TNIP3: variants seen among roughly 807,000 people sequenced by gnomAD.
TNIP3 encodes TNFAIP3-interacting protein 3.
Under a neutral mutation model 54.1 loss-of-function variants are expected in TNIP3, and 34 were observed. That is an observed-to-expected ratio of 0.63 (90% CI 0.48 to 0.84). The LOEUF (loss-of-function observed/expected upper bound fraction) is 0.84. TNIP3 is among the 40% of genes least tolerant of loss of function. TNIP3 has a pLI of 0.00. For synonymous variants in TNIP3, 134 were observed against 136.8 expected (o/e 0.98, Z 0.14); for missense variants, 366 against 387.6 (o/e 0.94, Z 0.47).
chr4:121,147,093 T>A lies in TNIP3; in HGVS notation c.691A>T (p.Ile231Phe). The A allele has an allele frequency of 6.8e-6, 11 of 1,613,348 alleles. No homozygotes were observed. Among genetic ancestry groups the A allele is most frequent in the Non-Finnish European group, 8.5e-6 (10 of 1,179,596 alleles). ...LNQEKEELQQ[I>F]NETSQSQLNR... is the part of the protein sequence containing the mutation. The stretch of plus-strand genomic sequence containing the variant: ...AACTGGGATTGGGAAGTTTCATTAA[T>A]TTGCTGTAGCTCCTCTTTCTCTTGA... Residue 231 changes from isoleucine to phenylalanine, a missense_variant, in exon 7 of 11, where the codon ATT (isoleucine) becomes TTT (phenylalanine). Physicochemically the swap from Ile to Phe is conservative, Grantham distance 21. Transcript: ENST00000057513.
chr4:121,187,549 A>T (rs1267071148), intron 2 of TNIP3, among the ~76,000 whole-genome samples: 1 of 152,198 alleles, frequency 6.6e-6, no homozygotes, highest in East Asian at 1.9e-4. Context: ...ATAAAGAAGG[A>T]CCATGGAGGG....
In TNIP3 at chr4:121,202,836, A is replaced by C. The variant is rs528896603; in HGVS notation, c.68+13579T>G. ...GCAAACATGAAACAATGCTCAATTC[A>C]CTAATTATAAGGAAAATGCAAGTCA... is the stretch of plus-strand genomic sequence containing the variant. On this transcript the variant is annotated intron_variant, in intron 2 of 12. Coordinates refer to the TNIP3 transcript ENST00000507879. 2.6e-5 allele frequency among the ~76,000 whole-genome samples: 4 copies of C among 152,276 alleles called. No homozygotes were observed. In the East Asian group the frequency reaches 7.7e-4, roughly 29 times the overall value.
At chr4:121,134,502 C>A (rs1479775510) in intron 10 of TNIP3, among the ~76,000 whole-genome samples, 1 of 152,218 alleles carries the variant, frequency 6.6e-6, no homozygotes, top group Non-Finnish European at 1.5e-5. Flanking sequence ...TCATTAATAT[C>A]TGTGGACTTC....
At chr4:121,142,587 C>T (rs548596828) in intron 8 of TNIP3, 139 bp downstream of exon 8, 5 of 741,892 alleles carry the variant, frequency 6.7e-6, no homozygotes, top group African/African-American at 3.5e-5. Context: ...ACTGTCTATC[C>T]GTTGATGGTG....
intron 2 of TNIP3, among the ~76,000 whole-genome samples, chr4:121,183,853 G>T (rs1724855217): frequency 6.6e-6 from 1 of 151,850 alleles, no homozygotes; most frequent in Non-Finnish European, 1.5e-5. Flanking sequence ...AGAAAAACAA[G>T]CTCAGGGCTC....
chr4:121,204,647 A>G (rs551149753), intron 2 of TNIP3, among the ~76,000 whole-genome samples: 1 of 152,208 alleles, frequency 6.6e-6, no homozygotes, highest in South Asian at 2.1e-4. Flanking sequence ...TGTCACTACA[A>G]TCAATGCACA....
chr4:121,217,169 A>G (rs1664861131), upstream of TNIP3, among the ~76,000 whole-genome samples: 1 of 152,250 alleles, frequency 6.6e-6, no homozygotes, highest in Non-Finnish European at 1.5e-5. Flanking sequence ...GACTTACAGT[A>G]GAATCTTGAG....
At chr4:121,175,464 G>T (rs937730861) in intron 3 of TNIP3, among the ~76,000 whole-genome samples, 1 of 152,144 alleles carries the variant, frequency 6.6e-6, no homozygotes, top group Non-Finnish European at 1.5e-5. Flanking sequence ...GCCTCCCAGT[G>T]TTGTCGTCTG....
chr4:121,160,434 G>A (rs1238162707), intron 2 of TNIP3, among the ~76,000 whole-genome samples: 4 of 151,736 alleles, frequency 2.6e-5, no homozygotes, highest in East Asian at 1.9e-4. Flanking sequence ...AGCTGAGATC[G>A]TGCCACTGCA....
intron 2 of TNIP3, among the ~76,000 whole-genome samples, chr4:121,202,796 A>T (rs911801598): frequency 6.6e-6 from 1 of 152,186 alleles, no homozygotes; most frequent in Non-Finnish European, 1.5e-5. Flanking sequence ...CCAAAAGAAG[A>T]TATAAAAATG....
At chr4:121,167,862 G>A (rs74973596), upstream of TNIP3, among the ~76,000 whole-genome samples, 5 of 152,084 alleles carry the variant, frequency 3.3e-5, no homozygotes, top group Non-Finnish European at 5.9e-5. Context: ...CCCTGGACTC[G>A]AGACTCCTGT....
intron 3 of TNIP3, among the ~76,000 whole-genome samples, chr4:121,176,543 T>C (rs1280243758): frequency 6.6e-6 from 1 of 151,902 alleles, no homozygotes; most frequent in East Asian, 1.9e-4. Context: ...ATGATGATGA[T>C]GATGATGATG....
intron 3 of TNIP3, 70 bp downstream of exon 3, chr4:121,158,617 A>T (rs1730254902): frequency 8.2e-7 from 1 of 1,218,360 alleles, no homozygotes; most frequent in Non-Finnish European, 1.2e-6. Flanking sequence ...AATGAATGAG[A>T]CTCTTCACAC....
chr4:121,134,248 T>G (rs1443611152), intron 10 of TNIP3, among the ~76,000 whole-genome samples: 1 of 152,210 alleles, frequency 6.6e-6, no homozygotes. Flanking sequence ...AAAGCATAAC[T>G]CTGTACCCTA....
intron 1 of TNIP3, among the ~76,000 whole-genome samples, chr4:121,162,644 G>A (rs1730522340): frequency 6.6e-6 from 1 of 152,162 alleles, no homozygotes; most frequent in South Asian, 2.1e-4. Flanking sequence ...GCAAAGTAGG[G>A]GCACAGTAAG....
intron 2 of TNIP3, among the ~76,000 whole-genome samples, chr4:121,185,593 T>C (rs1282028359): frequency 6.6e-6 from 1 of 152,224 alleles, no homozygotes; most frequent in East Asian, 1.9e-4. Flanking sequence ...TGTTATTGAA[T>C]AAATATGACT....
intron 10 of TNIP3, among the ~76,000 whole-genome samples, chr4:121,135,920 A>G (rs543978129): frequency 8.5e-5 from 13 of 152,326 alleles, no homozygotes; most frequent in African/African-American, 3.1e-4. Flanking sequence ...TATGAAATAC[A>G]TCAACTGTGG....
chr4:121,222,899 A>G (rs950017820), intron 1 of TNIP3, among the ~76,000 whole-genome samples: 4 of 134,974 alleles, frequency 3.0e-5, no homozygotes, highest in African/African-American at 8.4e-5. Context: ...TCCGCCTCCC[A>G]GGTTCACGCT....
intron 2 of TNIP3, among the ~76,000 whole-genome samples, chr4:121,197,001 G>A (rs1309660972): frequency 6.6e-6 from 1 of 151,630 alleles, no homozygotes; most frequent in African/African-American, 2.4e-5. Context: ...AAGCATTCAA[G>A]AACAAACACA....
Sources: gnomAD v4.1 joint callset for allele counts (sites outside exome capture counted in the v4.1 genomes callset) on GRCh38, gnomAD v4.1.1 for gene constraint, MANE v1.5 for transcripts, NCBI Gene and HGNC (gene_info 2026-07-23, HGNC 2026-07-21) for gene names.